Variants in RBFOX1 observed in about 807,000 individuals in gnomAD.
The protein encoded by RBFOX1 is RNA binding protein fox-1 homolog 1.
Under a neutral mutation model 57.7 loss-of-function variants are expected in RBFOX1, and 8 were observed. That is an observed-to-expected ratio of 0.14 (90% CI 0.08 to 0.25). The LOEUF is 0.25. Among genes scored for constraint, RBFOX1 ranks in the 10% least tolerant of loss-of-function variants. RBFOX1 has a pLI of 1.00. For synonymous variants in RBFOX1, 326 were observed against 222.4 expected (o/e 1.47, Z -4.15); for missense variants, 611 against 548.5 (o/e 1.11, Z -1.14).
intron 11 of RBFOX1, among the ~76,000 whole-genome samples, chr16:7,635,152 G>T (rs767294193): frequency 3.3e-5 from 5 of 152,044 alleles, no homozygotes; most frequent in Non-Finnish European, 7.4e-5. Context: ...GAAATAGGAA[G>T]GTAAAGAACA....
At chr16:5,726,124 C>G (rs1355181956) in intron 3 of RBFOX1, among the ~76,000 whole-genome samples, 2 of 151,278 alleles carry the variant, frequency 1.3e-5, no homozygotes. Flanking sequence ...GAATGGGTTT[C>G]TCTGATTTAA....
intron 4 of RBFOX1, among the ~76,000 whole-genome samples, chr16:7,208,414 A>G (rs2090433119): frequency 6.6e-6 from 1 of 152,210 alleles, no homozygotes; most frequent in Non-Finnish European, 1.5e-5. Context: ...AGGCACCAGC[A>G]TCTGCTTCCG....
chr16:7,423,093 A>G (rs941670995), intron 4 of RBFOX1: 1 of 144,886 alleles, frequency 6.9e-6, no homozygotes, highest in Non-Finnish European at 1.5e-5. Flanking sequence ...ATGAGGGAGA[A>G]AGAGAGAGAG....
At chr16:6,984,204 G>A (rs763569918) in intron 3 of RBFOX1, among the ~76,000 whole-genome samples, 2 of 152,126 alleles carry the variant, frequency 1.3e-5, no homozygotes, top group African/African-American at 2.4e-5. Context: ...CCGAGATAGT[G>A]CCATTGCACT....
At chr16:5,437,480 G>C (rs542047868) in intron 1 of RBFOX1, among the ~76,000 whole-genome samples, 6 of 152,328 alleles carry the variant, frequency 3.9e-5, no homozygotes, top group Admixed American at 2.0e-4. Context: ...ACTGAGTGCT[G>C]TTATATTGCA....
chr16:5,277,535 T>G (rs1161703936), intron 1 of RBFOX1, among the ~76,000 whole-genome samples: 1 of 152,202 alleles, frequency 6.6e-6, no homozygotes, highest in African/African-American at 2.4e-5. Context: ...TGTATATTTT[T>G]ACACCCATTA....
At chr16:7,348,130 T>C (rs1350162631) in intron 4 of RBFOX1, among the ~76,000 whole-genome samples, 8 of 152,210 alleles carry the variant, frequency 5.3e-5, no homozygotes, top group African/African-American at 1.9e-4. Flanking sequence ...ATAAAATTAA[T>C]GTGGGCTAAA....
At chr16:7,588,444 T>G (rs1403618714) in intron 7 of RBFOX1, among the ~76,000 whole-genome samples, 2 of 152,018 alleles carry the variant, frequency 1.3e-5, no homozygotes, top group African/African-American at 4.8e-5. Context: ...ACACAGGGGG[T>G]TAACAGGGAG....
In RBFOX1 at chr16:6,584,791, G is replaced by A. The variant is rs545373681; in HGVS notation, c.-63-69812G>A. ...CAGGACCAGCCTGGCACCGATCACT[G>A]AAGGATTGTGATTAAGTCAGATGGT... On this transcript the variant is annotated intron_variant, in intron 2 of 15. Transcript: ENST00000550418. Among the ~76,000 whole-genome samples the A allele has an allele frequency of 2.6e-4, 40 of 152,262 alleles. No homozygotes were observed. The South Asian group carries it at 5.2e-3, about 20-fold the overall frequency.
chr16:7,660,007 C>T (rs2067299122), intron 12 of RBFOX1, among the ~76,000 whole-genome samples: 1 of 152,134 alleles, frequency 6.6e-6, no homozygotes, highest in Non-Finnish European at 1.5e-5. Context: ...GGTATTTGAA[C>T]ACCTTAAAAA....
intron 4 of RBFOX1, among the ~76,000 whole-genome samples, chr16:7,239,710 G>T (rs897896098): frequency 3.9e-5 from 6 of 152,116 alleles, no homozygotes; most frequent in Admixed American, 3.9e-4. Flanking sequence ...TTTGATCTAG[G>T]CAGTTAGCTG....
chr16:6,929,505 G>A (rs1211162393), intron 3 of RBFOX1, among the ~76,000 whole-genome samples: 3 of 151,996 alleles, frequency 2.0e-5, no homozygotes, highest in African/African-American at 7.2e-5. Context: ...TTGCTTTATT[G>A]CAAGCCACAA....
At chr16:5,794,115 G>A (rs1399535051) in intron 3 of RBFOX1, among the ~76,000 whole-genome samples, 1 of 152,136 alleles carries the variant, frequency 6.6e-6, no homozygotes, top group Non-Finnish European at 1.5e-5. Context: ...GTGGTGTTGG[G>A]CATATGATTT....
intron 2 of RBFOX1, among the ~76,000 whole-genome samples, chr16:5,598,230 A>T (rs143874698): frequency 3.3e-5 from 5 of 151,988 alleles, no homozygotes; most frequent in Admixed American, 2.6e-4. Flanking sequence ...TCTCAAAAAA[A>T]AAAAAATAAA....
intron 3 of RBFOX1, among the ~76,000 whole-genome samples, chr16:6,879,642 A>G (rs986649397): frequency 2.0e-5 from 3 of 152,198 alleles, no homozygotes; most frequent in Admixed American, 6.5e-5. Flanking sequence ...TAGGAGCTTC[A>G]AGTAAGGTCC....
chr16:7,467,443 G>C, intron 4 of RBFOX1, among the ~76,000 whole-genome samples: 1 of 152,156 alleles, frequency 6.6e-6, no homozygotes, highest in Non-Finnish European at 1.5e-5. Context: ...AACAACCACA[G>C]TGGTTGAAAA....
chr16:6,939,646 C>G (rs994520433), intron 3 of RBFOX1, among the ~76,000 whole-genome samples: 2 of 151,620 alleles, frequency 1.3e-5, no homozygotes, highest in East Asian at 3.9e-4. Context: ...TGAGTAGCTG[C>G]GATTACAGCC....
intron 3 of RBFOX1, among the ~76,000 whole-genome samples, chr16:6,690,455 C>T (rs1400967078): frequency 6.6e-6 from 1 of 151,838 alleles, no homozygotes; most frequent in Non-Finnish European, 1.5e-5. Context: ...ATGATTTTGC[C>T]TACTATAGTT....
intron 4 of RBFOX1, among the ~76,000 whole-genome samples, chr16:7,504,406 G>A (rs2072067338): frequency 6.6e-6 from 1 of 151,714 alleles, no homozygotes. Context: ...GCAGGAACAT[G>A]GTCTTGTGCC....
Sources: gnomAD v4.1 joint callset for allele counts (sites outside exome capture counted in the v4.1 genomes callset) on GRCh38, gnomAD v4.1.1 for gene constraint, MANE v1.5 for transcripts, NCBI Gene and HGNC (gene_info 2026-07-23, HGNC 2026-07-21) for gene names.